VWA8: variants seen among roughly 807,000 people sequenced by gnomAD.
The protein encoded by VWA8 is von Willebrand factor A domain-containing protein 8.
A neutral mutation model predicts 241.5 loss-of-function variants in VWA8; 221 were observed. That is an observed-to-expected ratio of 0.91 (90% CI 0.82 to 1.02). The LOEUF is 1.02. VWA8 is among the 50% of genes least tolerant of loss of function. VWA8 has a pLI of 0.00. For missense variants in VWA8, 2,322 were observed against 2,328.7 expected (o/e 1.00, Z 0.06); for synonymous variants, 852 against 827.1 (o/e 1.03, Z -0.52).
intron 8 of VWA8, among the ~76,000 whole-genome samples, chr13:41,884,856 ACC>A (rs1874438565): frequency 3.3e-5 from 5 of 152,198 alleles, no homozygotes; most frequent in African/African-American, 1.2e-4. Context: ...TGTCAACAAT[ACC>A]TAGGCTCCCT....
At chr13:41,693,843 G>A (rs2045195422) in intron 29 of VWA8, among the ~76,000 whole-genome samples, 1 of 151,922 alleles carries the variant, frequency 6.6e-6, no homozygotes. Context: ...TAGACTAACA[G>A]GTTTGCAGAA....
chr13:41,954,095 T>C (rs753535343), intron 1 of VWA8, among the ~76,000 whole-genome samples: 24 of 152,172 alleles, frequency 1.6e-4, no homozygotes, highest in East Asian at 5.8e-4. Context: ...GCCTCAAACA[T>C]TGATGTTCTT....
At chr13:41,785,029 C>T (rs1326825178) in intron 18 of VWA8, among the ~76,000 whole-genome samples, 2 of 151,670 alleles carry the variant, frequency 1.3e-5, no homozygotes, top group African/African-American at 2.4e-5. Context: ...AACATATCTG[C>T]TATGTATTCC....
intron 12 of VWA8, among the ~76,000 whole-genome samples, chr13:41,838,686 T>G (rs542441429): frequency 6.6e-6 from 1 of 152,190 alleles, no homozygotes; most frequent in East Asian, 1.9e-4. Context: ...GCAAAATATA[T>G]CTGAACAGTC....
At chr13:41,760,837 C>A (rs545962127) in intron 21 of VWA8, among the ~76,000 whole-genome samples, 1 of 151,892 alleles carries the variant, frequency 6.6e-6, no homozygotes, top group African/African-American at 2.4e-5. Flanking sequence ...ACATGTTTTT[C>A]TTCTAACTTA....
chr13:41,685,329 T>A (rs2045128837), intron 34 of VWA8, 87 bp from the exon 35 acceptor site: 2 of 1,244,280 alleles, frequency 1.6e-6, no homozygotes, highest in Non-Finnish European at 2.2e-6. Flanking sequence ...AAGCAGATAC[T>A]AGTGGGAAAC....
chr13:41,828,630 AAGAG>A (rs757742124), intron 14 of VWA8, among the ~76,000 whole-genome samples: 1 of 152,094 alleles, frequency 6.6e-6, no homozygotes, highest in Admixed American at 6.5e-5. Flanking sequence ...CACTCTGAGA[AAGAG>A]AGAGAAAATG....
chr13:41,750,074 T>G (rs1038102895), intron 21 of VWA8, among the ~76,000 whole-genome samples: 16 of 152,100 alleles, frequency 1.1e-4, no homozygotes, highest in Admixed American at 6.6e-5. Flanking sequence ...AGATACTGAT[T>G]CCTCTTACGG....
At position 41,851,718 on chromosome 13, in the gene VWA8, T is replaced by A. The variant is rs1172123302; in HGVS notation, c.1425+14018A>T. 3.3e-5 allele frequency among the ~76,000 whole-genome samples: 5 copies of A among 152,290 alleles called. No individual in the cohort carries two copies. In the East Asian group the frequency reaches 5.8e-4, roughly 18 times the overall value. On this transcript the variant is annotated intron_variant, in intron 12 of 44. Coordinates refer to ENST00000379310, the MANE Select transcript of VWA8 (RefSeq NM_015058.2). ...CAATTAAACCTTTTTCTTCCCAGTC[T>A]CGGGTGTGTCTTTATCAGCAGTGTG...
chr13:41,807,079 G>A (rs893543547), intron 17 of VWA8, among the ~76,000 whole-genome samples: 8 of 151,516 alleles, frequency 5.3e-5, no homozygotes, highest in Non-Finnish European at 7.4e-5. Flanking sequence ...CCAACACATC[G>A]GAACACCAAG....
At chr13:41,732,995 T>C (rs1356597589) in intron 21 of VWA8, among the ~76,000 whole-genome samples, 1 of 152,226 alleles carries the variant, frequency 6.6e-6, no homozygotes, top group Non-Finnish European at 1.5e-5. Flanking sequence ...TTTAAAAATA[T>C]AAGTAGCGTC....
At position 41,883,380 on chromosome 13, in the gene VWA8, CACTCA is replaced by C. The variant is rs781471800; in HGVS notation, c.1080+2_1080+6del. ...AAGAAAGGAAAGAAAGGGAAGCAGA[CACTCA>C]CCTTTAAAACACCTTCCACAGCCAT... is the stretch of plus-strand genomic sequence containing the variant. On this transcript the variant is annotated splice_donor_variant and splice_donor_5th_base_variant and intron_variant, in intron 9 of 44. Transcript: ENST00000379310. LOFTEE classifies it high-confidence loss of function. 1.2e-5 allele frequency: 19 copies of C among 1,596,628 alleles called. No homozygotes were observed. The Admixed American group carries it at 3.2e-4, about 27-fold the overall frequency.
chr13:41,667,872 G>A (rs2137796200), intron 37 of VWA8, among the ~76,000 whole-genome samples: 1 of 152,154 alleles, frequency 6.6e-6, no homozygotes, highest in East Asian at 1.9e-4. Context: ...TCAGTTTGTT[G>A]TTATGGTTAT....
At chr13:41,863,143 G>C (rs1316742484) in intron 12 of VWA8, among the ~76,000 whole-genome samples, 1 of 151,880 alleles carries the variant, frequency 6.6e-6, no homozygotes, top group Non-Finnish European at 1.5e-5. Context: ...TCAGCTGCCA[G>C]CCAATATAAA....
At chr13:41,871,080 A>T (rs533401091) in intron 9 of VWA8, among the ~76,000 whole-genome samples, 53 of 152,252 alleles carry the variant, frequency 3.5e-4, no homozygotes, top group African/African-American at 1.3e-3. Flanking sequence ...CCCTGCATCC[A>T]ACCCTTCAGC....
intron 37 of VWA8, among the ~76,000 whole-genome samples, chr13:41,641,098 C>T (rs2139681387): frequency 6.6e-6 from 1 of 152,258 alleles, no homozygotes; most frequent in Non-Finnish European, 1.5e-5. Context: ...CTAAATTACC[C>T]TTGTTTTGCT....
At chr13:41,865,331 T>TTTAAGTATTTAAAA (rs1873239740) in intron 12 of VWA8, 1 of 395,522 alleles carries the variant, frequency 2.5e-6, no homozygotes, top group Non-Finnish European at 4.9e-6. Context: ...ATTTGAATTA[T>TTTAAGTATTTAAAA]TAACTACTAG....
chr13:41,755,546 A>T (rs1210451202), intron 21 of VWA8, among the ~76,000 whole-genome samples: 1 of 151,978 alleles, frequency 6.6e-6, no homozygotes, highest in Admixed American at 6.6e-5. Flanking sequence ...ACATATCTAT[A>T]CTTTTATCTA....
At chr13:41,576,528 C>T (rs1293933608) in intron 42 of VWA8, among the ~76,000 whole-genome samples, 1 of 152,090 alleles carries the variant, frequency 6.6e-6, no homozygotes, top group Non-Finnish European at 1.5e-5. Flanking sequence ...AATTGTTATG[C>T]AAAAATAGGA....
Sources: allele counts gnomAD v4.1 joint callset (sites outside exome capture counted in the v4.1 genomes callset), GRCh38; gene constraint gnomAD v4.1.1; transcripts MANE v1.5; gene names NCBI Gene and HGNC (gene_info 2026-07-23, HGNC 2026-07-21).